Variants in MAGI1 observed in about 807,000 individuals in gnomAD.
MAGI1 encodes the protein membrane associated guanylate kinase, WW and PDZ domain containing 1, also known as membrane-associated guanylate kinase, WW and PDZ domain-containing protein 1.
A neutral mutation model predicts 139.9 loss-of-function variants in MAGI1; 58 were observed. The ratio of observed to expected loss-of-function variants is 0.41; its 90% CI spans 0.34 to 0.52. The LOEUF is 0.52. MAGI1 is among the 20% of genes least tolerant of loss of function. The pLI is 0.12. For missense variants in MAGI1, 1,874 were observed against 1,901.6 expected (o/e 0.99, Z 0.27); for synonymous variants, 812 against 737.9 (o/e 1.10, Z -1.63).
intron 1 of MAGI1, among the ~76,000 whole-genome samples, chr3:65,732,440 G>C (rs1389511201): frequency 6.6e-6 from 1 of 152,138 alleles, no homozygotes; most frequent in African/African-American, 2.4e-5. Context: ...TGCGAGAAAG[G>C]GAAAGAAACG....
intron 14 of MAGI1, 80 bp from the exon 15 acceptor site, chr3:65,383,703 G>C: frequency 2.3e-6 from 2 of 864,086 alleles, no homozygotes; most frequent in Non-Finnish European, 4.0e-6. Context: ...ACAGTTGCAG[G>C]ACAAGAATGG....
At chr3:65,409,246 A>C (rs1416181160) in intron 12 of MAGI1, among the ~76,000 whole-genome samples, 1 of 152,240 alleles carries the variant, frequency 6.6e-6, no homozygotes, top group Non-Finnish European at 1.5e-5. Flanking sequence ...GAGAAAAAGC[A>C]AAGCAACCGT....
intron 2 of MAGI1, chr3:65,498,912 G>T: frequency 1.5e-6 from 1 of 682,056 alleles, no homozygotes; most frequent in Non-Finnish European, 1.8e-6. Flanking sequence ...GGTCAGTACA[G>T]CTCTCAACCA....
intron 1 of MAGI1, among the ~76,000 whole-genome samples, chr3:65,804,907 C>A (rs959398843): frequency 6.6e-6 from 1 of 152,100 alleles, no homozygotes; most frequent in Non-Finnish European, 1.5e-5. Context: ...AAACTGGAAC[C>A]CTTCCTTACA....
chr3:65,693,527 G>A (rs2088863889), intron 1 of MAGI1, among the ~76,000 whole-genome samples: 1 of 152,000 alleles, frequency 6.6e-6, no homozygotes, highest in Non-Finnish European at 1.5e-5. Context: ...AAAAGTGAGG[G>A]AAATGCCCAC....
chr3:65,845,106 C>T lies in MAGI1; in HGVS notation c.313+192890G>A, dbSNP rs144659480. On this transcript the variant is annotated intron_variant, in intron 1 of 22. Transcript: ENST00000402939. ...TCTCTATTAAAAATACAAAACTTAG[C>T]TGGGTGTGGTGGTGCACGCCTGTAG... Among the ~76,000 whole-genome samples, 261 of 152,126 alleles carry T rather than the reference C, an allele frequency of 1.7e-3. 4 individuals are homozygous for T. The highest frequency in any genetic ancestry group is 6.1e-3 in the African/African-American group (253 of 41,508).
chr3:65,687,823 A>G, intron 1 of MAGI1: 1 of 599,684 alleles, frequency 1.7e-6, no homozygotes, highest in Admixed American at 1.9e-5. Context: ...GCTACAGTGA[A>G]GACTGTCATT....
chr3:65,724,956 G>A (rs1228481270), intron 1 of MAGI1, among the ~76,000 whole-genome samples: 2 of 152,042 alleles, frequency 1.3e-5, no homozygotes, highest in South Asian at 2.1e-4. Flanking sequence ...AATTCAAGAC[G>A]AAATCTGGGT....
chr3:65,889,536 CA>C lies in MAGI1; in HGVS notation c.313+148459del, dbSNP rs754875686. ...CGTTCAAAAAATTCTAAGCTCATGC[CA>C]ACCAACTTTTGAACATCTGTGAGGC... On this transcript the variant is annotated intron_variant, in intron 1 of 22. Coordinates refer to ENST00000402939, the MANE Select transcript of MAGI1 (RefSeq NM_001033057.2). Among the ~76,000 whole-genome samples the C allele has an allele frequency of 2.0e-5, 3 of 152,246 alleles. No homozygotes were observed. In the Middle Eastern group the frequency reaches 0.01, roughly 518 times the overall value.
chr3:65,676,787 C>A (rs1029411060), intron 1 of MAGI1, among the ~76,000 whole-genome samples: 2 of 152,200 alleles, frequency 1.3e-5, no homozygotes, highest in African/African-American at 4.8e-5. Flanking sequence ...CAGATGGTTA[C>A]ACCATCCTTT....
rs779125903 is a variant in MAGI1, at chr3:65,364,887, G to A, written c.3256C>T (p.His1086Tyr). 1.2e-6 allele frequency: 2 copies of A among 1,614,084 alleles called. No individual in the cohort carries two copies. The highest frequency in any genetic ancestry group is 1.7e-6 in the Non-Finnish European group (2 of 1,179,978). The change falls in exon 19 of 23, where the codon CAC becomes TAC. Residue 1086 changes from histidine to tyrosine, a missense_variant. By Grantham distance (83) the His-to-Tyr change is moderately conservative (BLOSUM62 2). Coordinates refer to ENST00000402939, the MANE Select transcript of MAGI1 (RefSeq NM_001033057.2). Reference protein sequence around the residue: ...AEKIATITTTHTPSQQGTQET... With the variant: ...AEKIATITTTYTPSQQGTQET... ...TGGGTCCCTTGCTGAGAAGGGGTGT[G>A]TGTGGTGGTGATGGTGGCAATCTTC...
At chr3:65,532,421 C>T (rs1292916880) in intron 2 of MAGI1, among the ~76,000 whole-genome samples, 4 of 152,178 alleles carry the variant, frequency 2.6e-5, no homozygotes, top group Non-Finnish European at 5.9e-5. Flanking sequence ...TTTGTCAGGG[C>T]CACATGATGC....
intron 1 of MAGI1, among the ~76,000 whole-genome samples, chr3:65,785,545 C>T (rs1210792633): frequency 1.3e-5 from 2 of 152,180 alleles, no homozygotes; most frequent in Non-Finnish European, 2.9e-5. Context: ...AGAGGTTATA[C>T]AAACTTATTT....
chr3:65,440,160 G>C (rs1313484887), intron 8 of MAGI1, 148 bp from the exon 9 acceptor site: 3 of 900,512 alleles, frequency 3.3e-6, no homozygotes, highest in East Asian at 5.0e-5. Flanking sequence ...GTTAGAAAGA[G>C]GAAATAAAAA....
intron 1 of MAGI1, among the ~76,000 whole-genome samples, chr3:65,693,133 T>A (rs558073766): frequency 6.6e-6 from 1 of 152,242 alleles, no homozygotes; most frequent in Admixed American, 6.5e-5. Context: ...TTTATACAGA[T>A]GGGGTCTCCC....
intron 1 of MAGI1, among the ~76,000 whole-genome samples, chr3:65,952,177 G>T (rs1363936220): frequency 6.6e-6 from 1 of 152,052 alleles, no homozygotes; most frequent in African/African-American, 2.4e-5. Context: ...GACTTTTTGG[G>T]GACCCGTGGA....
chr3:65,451,349 T>A (rs1949022174), intron 6 of MAGI1, among the ~76,000 whole-genome samples: 1 of 152,182 alleles, frequency 6.6e-6, no homozygotes, highest in Admixed American at 6.5e-5. Context: ...GCTTTCAAAA[T>A]CATAAGGCAT....
At chr3:65,605,887 AC>A (rs2082715458) in intron 2 of MAGI1, among the ~76,000 whole-genome samples, 1 of 152,206 alleles carries the variant, frequency 6.6e-6, no homozygotes, top group African/African-American at 2.4e-5. Flanking sequence ...TCTACCCACA[AC>A]CCAGAGAGGA....
intron 2 of MAGI1, among the ~76,000 whole-genome samples, chr3:65,616,446 T>C (rs1460264742): frequency 1.3e-5 from 2 of 152,182 alleles, no homozygotes; most frequent in African/African-American, 2.4e-5. Flanking sequence ...AGTTGTACTT[T>C]AGATGAAGCC....
Sources: gnomAD v4.1 joint callset for allele counts (sites outside exome capture counted in the v4.1 genomes callset) on GRCh38, gnomAD v4.1.1 for gene constraint, MANE v1.5 for transcripts, NCBI Gene and HGNC (gene_info 2026-07-23, HGNC 2026-07-21) for gene names.